The following FARP1 variants were observed in gnomAD, a reference collection of about 807,000 sequenced individuals.
FARP1 encodes the protein FERM, ARHGEF and pleckstrin domain-containing protein 1.
In FARP1, 52 loss-of-function variants were observed where a neutral mutation model predicts 128.8. The ratio of observed to expected loss-of-function variants is 0.40; its 90% confidence interval spans 0.32 to 0.51. The LOEUF (loss-of-function observed/expected upper bound fraction) is 0.51. Ranked by LOEUF, FARP1 falls within the 20% of genes least tolerant of loss-of-function variation. The pLI is 0.45. For missense variants in FARP1, 1,333 were observed against 1,367.9 expected, an observed-to-expected ratio of 0.97 and a Z score of 0.40; for synonymous variants, 580 against 551.8, an observed-to-expected ratio of 1.05 and a Z score of -0.72.
At chr13:98,253,673 G>A (rs562450296) in intron 2 of FARP1, among the ~76,000 whole-genome samples, 6 of 152,182 alleles carry the variant, frequency 3.9e-5, no homozygotes, top group Admixed American at 1.3e-4. Flanking sequence ...ATCCAAGGTC[G>A]CACCGCTAAG....
At chr13:98,264,344 G>A (rs977857949) in intron 2 of FARP1, among the ~76,000 whole-genome samples, 2 of 152,208 alleles carry the variant, frequency 1.3e-5, no homozygotes, top group African/African-American at 4.8e-5. Context: ...TAAATTGCAT[G>A]CCATTCTGAG....
intron 2 of FARP1, among the ~76,000 whole-genome samples, chr13:98,296,689 T>A (rs1382206679): frequency 3.7e-4 from 10 of 26,840 alleles, no homozygotes; most frequent in Non-Finnish European, 5.4e-4. Context: ...CTTAATGGCC[T>A]TTTTTTTTTT....
chr13:98,177,051 C>G lies in FARP1; in HGVS notation c.-24+33559C>G, dbSNP rs771288194. The G allele has an allele frequency of 3.1e-6, 5 of 1,594,160 alleles. No individual in the cohort carries two copies. In the African/African-American group the frequency reaches 6.7e-5, roughly 21 times the overall value. On this transcript the variant is annotated intron_variant, in intron 1 of 26. Coordinates refer to ENST00000319562, the MANE Select transcript of FARP1 (RefSeq NM_005766.4). ...TGTGGAGGCCCCGGGGCCTCGGTGC[C>G]ACCCGCGGGGGCTGAGCCACTGTGT... is the stretch of plus-strand genomic sequence containing the variant.
At chr13:98,438,915 C>T in intron 20 of FARP1, 43 bp downstream of exon 20, 1 of 1,597,092 alleles carries the variant, frequency 6.3e-7, no homozygotes, top group Non-Finnish European at 8.6e-7. Context: ...ATTGTGTCAC[C>T]TGGGCAAGCA....
intron 2 of FARP1, among the ~76,000 whole-genome samples, chr13:98,264,283 GGT>G (rs923185539): frequency 6.6e-6 from 1 of 152,144 alleles, no homozygotes; most frequent in African/African-American, 2.4e-5. Context: ...GGTCAACTGT[GGT>G]TCAAAAATGT....
intron 2 of FARP1, among the ~76,000 whole-genome samples, chr13:98,324,121 G>A (rs548442433): frequency 1.6e-4 from 25 of 152,278 alleles, no homozygotes; most frequent in African/African-American, 5.5e-4. Flanking sequence ...TATTTCATGC[G>A]TACATTGAAG....
intron 2 of FARP1, among the ~76,000 whole-genome samples, chr13:98,279,820 A>T (rs1380459351): frequency 6.6e-6 from 1 of 152,184 alleles, no homozygotes; most frequent in Non-Finnish European, 1.5e-5. Flanking sequence ...CCAAGAAAGG[A>T]TGTAGGATGT....
chr13:98,377,945 AT>A lies in FARP1; in HGVS notation c.496+28del, dbSNP rs1232153919. 3 of 1,501,646 alleles carry A rather than the reference AT, an allele frequency of 2.0e-6. No homozygotes were observed. The Admixed American group carries it at 5.0e-5, about 25-fold the overall frequency. The allele number at this position is 1,501,646 out of a possible 1,614,324, so 93.0% of individuals were successfully genotyped here. ...TAAGTTCTATTGGTTTCCTTTGAAA[AT>A]CATGTTCAAAATAACACAGTGATCT... On this transcript the variant is annotated intron_variant, in intron 6 of 26. Transcript: ENST00000319562.
chr13:98,220,322 A>G lies in FARP1; in HGVS notation c.171+6909A>G, dbSNP rs138223131. ...TGGAGGAGGAGGAGGATAGACCCAA[A>G]TAAAATTTAATTGGCCCTTTCAGAC... is the stretch of plus-strand genomic sequence containing the variant. On this transcript the variant is annotated intron_variant, in intron 2 of 26. Transcript: ENST00000319562. 3.3e-5 allele frequency among the ~76,000 whole-genome samples: 5 copies of G among 152,318 alleles called. No individual in the cohort carries two copies. In the East Asian group the frequency reaches 9.7e-4, roughly 29 times the overall value.
intron 2 of FARP1, among the ~76,000 whole-genome samples, chr13:98,296,726 C>G: frequency 7.3e-6 from 1 of 136,940 alleles, no homozygotes; most frequent in Non-Finnish European, 1.5e-5. Flanking sequence ...GAATCTCCCT[C>G]TGTCTGCCAG....
intron 2 of FARP1, among the ~76,000 whole-genome samples, chr13:98,232,735 G>A (rs1882203070): frequency 6.6e-6 from 1 of 152,110 alleles, no homozygotes; most frequent in African/African-American, 2.4e-5. Context: ...TTGCTTTATT[G>A]CGGTGGTCTG....
At chr13:98,274,649 A>T (rs2139595231) in intron 2 of FARP1, among the ~76,000 whole-genome samples, 1 of 152,240 alleles carries the variant, frequency 6.6e-6, no homozygotes, top group Non-Finnish European at 1.5e-5. Flanking sequence ...CCAACCTAAT[A>T]ATTTACTTTC....
intron 17 of FARP1, among the ~76,000 whole-genome samples, chr13:98,427,676 C>G (rs893636356): frequency 6.6e-6 from 1 of 152,214 alleles, no homozygotes. Flanking sequence ...CCTAACCCAG[C>G]GCAGAAGACC....
At chr13:98,280,903 G>C (rs644617) in intron 2 of FARP1, among the ~76,000 whole-genome samples, 92,490 of 152,134 alleles carry the variant, frequency 0.61, 28,570 homozygotes, top group South Asian at 0.72. Flanking sequence ...AAAATACAGA[G>C]AGGGATGTTT....
chr13:98,444,553 G>A (rs1356446314), intron 24 of FARP1, among the ~76,000 whole-genome samples: 7 of 152,228 alleles, frequency 4.6e-5, no homozygotes, highest in Admixed American at 2.0e-4. Flanking sequence ...CGCAGGGCCC[G>A]TAACACGCTG....
At chr13:98,222,896 A>G (rs1242431793) in intron 2 of FARP1, among the ~76,000 whole-genome samples, 4 of 151,186 alleles carry the variant, frequency 2.6e-5, no homozygotes, top group African/African-American at 9.7e-5. Flanking sequence ...TTGGCCTCCT[A>G]AAGTGCTGAG....
intron 2 of FARP1, among the ~76,000 whole-genome samples, chr13:98,303,061 T>C (rs1885988577): frequency 6.6e-6 from 1 of 152,178 alleles, no homozygotes; most frequent in Non-Finnish European, 1.5e-5. Context: ...ATCAATATAA[T>C]TTACCTTGAT....
intron 2 of FARP1, chr13:98,245,314 G>A: frequency 1.0e-6 from 1 of 985,376 alleles, no homozygotes; most frequent in South Asian, 4.7e-5. Context: ...ATACATGTTT[G>A]TCTTACCAGC....
At chr13:98,256,180 C>T (rs1325769461) in intron 2 of FARP1, among the ~76,000 whole-genome samples, 1 of 152,126 alleles carries the variant, frequency 6.6e-6, no homozygotes, top group Non-Finnish European at 1.5e-5. Context: ...AGTTACGGTT[C>T]ATCATTCTAT....
Sources: allele counts gnomAD v4.1 joint callset (sites outside exome capture counted in the v4.1 genomes callset), GRCh38; gene constraint gnomAD v4.1.1; transcripts MANE v1.5; gene names NCBI Gene and HGNC (gene_info 2026-07-23, HGNC 2026-07-21).